TRMT2B: variants seen among roughly 807,000 people sequenced by gnomAD.
TRMT2B encodes tRNA methyltransferase 2B.
A neutral mutation model predicts 39.7 loss-of-function variants in TRMT2B; 34 were observed. The observed-to-expected ratio is 0.86, with a 90% CI of 0.65 to 1.14. The LOEUF (loss-of-function observed/expected upper bound fraction) is 1.14. Ranked by LOEUF, TRMT2B falls within the 50% of genes most tolerant of loss-of-function variation. The pLI is 0.00. For missense variants in TRMT2B, 318 were observed against 377.2 expected (o/e 0.84, Z 1.30); for synonymous variants, 132 against 137.3 (o/e 0.96, Z 0.27).
At chrX:100,981,158 C>T in the TRMT2B span, among the ~76,000 whole-genome samples, 6 of 111,560 alleles carry the variant, frequency 5.4e-5, no homozygotes. Flanking sequence ...AACCGCAGTC[C>T]TTGTGGCCTG....
chrX:101,004,810 G>A (rs981416508), downstream of TRMT2B, among the ~76,000 whole-genome samples: 23 of 111,283 alleles, frequency 2.1e-4, no homozygotes, highest in African/African-American at 6.8e-4. Flanking sequence ...CATCAAAAAT[G>A]TTTTAATGTG....
the TRMT2B span, chrX:100,988,362 T>C: frequency 1.7e-6 from 2 of 1,206,762 alleles, no homozygotes; most frequent in Non-Finnish European, 2.2e-6. Flanking sequence ...CCCCCCATCA[T>C]CTTCTTGCTG....
chrX:101,032,352 C>T (rs1407353564), intron 7 of TRMT2B, among the ~76,000 whole-genome samples: 1 of 107,958 alleles, frequency 9.3e-6, no homozygotes, highest in Non-Finnish European at 1.9e-5. Context: ...CTTTGGGAGG[C>T]TGAGGTGGGC....
the TRMT2B span, among the ~76,000 whole-genome samples, chrX:101,003,100 A>C: frequency 1.9e-5 from 2 of 103,993 alleles, no homozygotes; most frequent in Non-Finnish European, 3.9e-5. Flanking sequence ...TTTTTGGTAG[A>C]GACATGGTCT....
In TRMT2B at chrX:101,041,300, T is replaced by G; in HGVS notation, c.303+17A>C. The G allele has an allele frequency of 1.7e-6, 2 of 1,207,035 alleles. No homozygotes were observed. The highest frequency in any genetic ancestry group is 3.5e-5 in the South Asian group (2 of 56,452). On this transcript the variant is annotated intron_variant, in intron 4 of 13. Coordinates refer to ENST00000372936, the MANE Select transcript of TRMT2B (RefSeq NM_024917.6). ...TCTCCTGGAAAGGAGGGGTAAAGAC[T>G]TAGGCTGGGCACCTACCTTGAGCTG...
chrX:101,019,680 C>T (rs918068842), intron 11 of TRMT2B, among the ~76,000 whole-genome samples: 2 of 107,975 alleles, frequency 1.9e-5, no homozygotes, highest in African/African-American at 6.8e-5. Flanking sequence ...GTCACCCAGA[C>T]CAGAATGCAG....
chrX:101,037,763 C>T (rs960331461), intron 5 of TRMT2B, among the ~76,000 whole-genome samples, 154 bp downstream of exon 5: 2 of 111,400 alleles, frequency 1.8e-5, no homozygotes, highest in African/African-American at 6.5e-5. Flanking sequence ...AGTATCTACC[C>T]CTCCAGGTTA....
At chrX:101,030,181 AC>A (rs758762519) in intron 7 of TRMT2B, among the ~76,000 whole-genome samples, 1 of 110,870 alleles carries the variant, frequency 9.0e-6, no homozygotes, top group African/African-American at 3.3e-5. Context: ...AACTGCTTGA[AC>A]CCAGGATGTG....
the TRMT2B span, among the ~76,000 whole-genome samples, chrX:100,977,813 G>A: frequency 2.0e-4 from 22 of 112,236 alleles, no homozygotes; most frequent in East Asian, 8.3e-4. Flanking sequence ...TGTTCTGCCC[G>A]TGTTGCTGCA....
the TRMT2B span, among the ~76,000 whole-genome samples, chrX:100,976,580 T>C: frequency 1.2e-4 from 14 of 112,001 alleles, no homozygotes; most frequent in East Asian, 3.7e-3. Flanking sequence ...TCACCTCCCT[T>C]GTCCCTGCAA....
chrX:100,979,922 C>CTTT, the TRMT2B span, among the ~76,000 whole-genome samples: 1 of 111,579 alleles, frequency 9.0e-6, no homozygotes, highest in African/African-American at 3.3e-5. Context: ...GTCTCTTGTT[C>CTTT]TTTTCCCTTA....
At chrX:101,035,795 G>A in intron 6 of TRMT2B, 112 bp from the exon 7 acceptor site, 2 of 603,297 alleles carry the variant, frequency 3.3e-6, no homozygotes, top group Non-Finnish European at 5.4e-6. Flanking sequence ...ATATGAAGAA[G>A]CAAATACAAT....
chrX:101,012,913 G>C (rs2086331816), intron 13 of TRMT2B, among the ~76,000 whole-genome samples: 1 of 110,487 alleles, frequency 9.1e-6, no homozygotes, highest in African/African-American at 3.3e-5. Flanking sequence ...CCGCCTCCTG[G>C]ATTCAAGCGA....
chrX:101,041,881 C>T (rs935519510), intron 3 of TRMT2B, among the ~76,000 whole-genome samples, 161 bp downstream of exon 3: 1 of 111,883 alleles, frequency 8.9e-6, no homozygotes, highest in Non-Finnish European at 1.9e-5. Context: ...AGCATTTCCA[C>T]CAATATTCTT....
Position 101,024,044 on chromosome X carries a change from C to T in TRMT2B, c.610-428G>A, listed in dbSNP as rs192786555. 2.4e-3 allele frequency among the ~76,000 whole-genome samples: 261 copies of T among 110,745 alleles called. 1 individual carries two copies. Among genetic ancestry groups the T allele is most frequent in the African/African-American group, 8.1e-3 (247 of 30,476 alleles). On this transcript the variant is annotated intron_variant, in intron 7 of 13. Transcript: ENST00000372936. Reference sequence around the variant, plus strand: ...TGTATTTTTAGTAGACACGAGGTTTCACCATGTTGGCCAGGCTGGTCACAA... The same window carrying T: ...TGTATTTTTAGTAGACACGAGGTTTTACCATGTTGGCCAGGCTGGTCACAA...
chrX:100,998,401 C>T, the TRMT2B span, among the ~76,000 whole-genome samples: 2 of 101,079 alleles, frequency 2.0e-5, no homozygotes, highest in African/African-American at 7.3e-5. Flanking sequence ...ACACCCATTA[C>T]AAAATTAGCC....
chrX:101,046,525 G>A (rs951139695), intron 2 of TRMT2B, among the ~76,000 whole-genome samples: 5 of 112,119 alleles, frequency 4.5e-5, no homozygotes, highest in Non-Finnish European at 3.8e-5. Context: ...CTAGGTGGCC[G>A]TTGCCAAGTT....
chrX:101,048,113 T>TACACATACAC (rs2054526951), intron 2 of TRMT2B, among the ~76,000 whole-genome samples: 3 of 90,399 alleles, frequency 3.3e-5, no homozygotes, highest in African/African-American at 7.9e-5. Flanking sequence ...TTTATACACA[T>TACACATACAC]ACACACACAC....
the TRMT2B span, among the ~76,000 whole-genome samples, chrX:100,998,326 TG>T: frequency 2.2e-3 from 229 of 105,922 alleles, no homozygotes; most frequent in African/African-American, 7.5e-3. Context: ...ATCTCAATAA[TG>T]GGAAGGGAAA....
Sources: allele counts gnomAD v4.1 joint callset (sites outside exome capture counted in the v4.1 genomes callset), GRCh38; gene constraint gnomAD v4.1.1; transcripts MANE v1.5; gene names NCBI Gene and HGNC (gene_info 2026-07-23, HGNC 2026-07-21).